Variants in SUSD6 observed in about 807,000 individuals in gnomAD.
The protein encoded by SUSD6 is sushi domain containing 6.
In SUSD6, 16 loss-of-function variants were observed where a neutral mutation model predicts 28.4. The observed-to-expected ratio is 0.56, with a 90% CI of 0.38 to 0.86. The LOEUF is 0.86. Among genes scored for constraint, SUSD6 ranks in the 40% least tolerant of loss-of-function variants. The pLI, the probability that SUSD6 is intolerant of heterozygous loss-of-function variation, is 0.00. For missense variants in SUSD6, 341 were observed against 384.2 expected (o/e 0.89, Z 0.94); for synonymous variants, 147 against 159.6 (o/e 0.92, Z 0.59).
chr14:69,712,726 C>T lies in SUSD6; in HGVS notation c.*1747C>T, dbSNP rs554702099. ...CACGCACTTTACCACCCGGTCATTC[C>T]CTGGCCTCTTGCTGCCACTTGTAGT... On this transcript the variant is annotated 3_prime_UTR_variant, in exon 6 of 6. Transcript: ENST00000342745. The T allele has an allele frequency of 3.9e-5, 6 of 152,708 alleles. No individual in the cohort carries two copies. Among genetic ancestry groups the T allele is most frequent in the Admixed American group, 3.9e-4 (6 of 15,306 alleles). The allele number at this position is 152,708 out of a possible 1,614,324, so 9.5% of individuals were successfully genotyped here.
chr14:69,693,640 C>T (rs1301149749), intron 2 of SUSD6, among the ~76,000 whole-genome samples: 1 of 152,146 alleles, frequency 6.6e-6, no homozygotes, highest in Non-Finnish European at 1.5e-5. Context: ...TTATCAGTGC[C>T]TAGTAATGTG....
intron 2 of SUSD6, among the ~76,000 whole-genome samples, chr14:69,682,744 G>A (rs148571725): frequency 6.6e-6 from 1 of 152,084 alleles, no homozygotes; most frequent in Non-Finnish European, 1.5e-5. Context: ...GTGGCACCTT[G>A]GGCAATATCA....
intron 1 of SUSD6, among the ~76,000 whole-genome samples, chr14:69,657,521 G>A (rs1595044788): frequency 6.6e-6 from 1 of 152,058 alleles, no homozygotes; most frequent in African/African-American, 2.4e-5. Context: ...CTTTATTAGG[G>A]TTATAGATGG....
chr14:69,672,865 C>T (rs1942026497), intron 2 of SUSD6, among the ~76,000 whole-genome samples: 1 of 152,214 alleles, frequency 6.6e-6, no homozygotes, highest in Non-Finnish European at 1.5e-5. Flanking sequence ...GAAGGCTGGT[C>T]TCACCAGCCT....
intron 1 of SUSD6, among the ~76,000 whole-genome samples, chr14:69,658,204 G>A (rs910255017): frequency 1.3e-5 from 2 of 152,178 alleles, no homozygotes; most frequent in Non-Finnish European, 2.9e-5. Context: ...GTCAATAGCC[G>A]TCTCTCTGCT....
chr14:69,710,842 T>G, intron 5 of SUSD6, 112 bp from the exon 6 acceptor site: 1 of 1,003,592 alleles, frequency 1.0e-6, no homozygotes, highest in African/African-American at 1.6e-5. Context: ...GGACATTTAC[T>G]TTCTTTAAAT....
intron 1 of SUSD6, among the ~76,000 whole-genome samples, chr14:69,620,204 G>A (rs1250390545): frequency 6.6e-6 from 1 of 152,202 alleles, no homozygotes; most frequent in Non-Finnish European, 1.5e-5. Context: ...TTTCTGTCCT[G>A]TGGGAATTTT....
At chr14:69,655,036 A>G (rs1412585068) in intron 1 of SUSD6, among the ~76,000 whole-genome samples, 1 of 150,518 alleles carries the variant, frequency 6.6e-6, no homozygotes, top group Non-Finnish European at 1.5e-5. Flanking sequence ...CTTGTGATCC[A>G]CCCGCCTCGG....
intron 1 of SUSD6, among the ~76,000 whole-genome samples, chr14:69,630,451 G>T (rs999906142): frequency 2.0e-5 from 3 of 152,172 alleles, no homozygotes; most frequent in Admixed American, 2.0e-4. Context: ...AACCTTTTCT[G>T]AGCTTGGAGC....
intron 2 of SUSD6, among the ~76,000 whole-genome samples, chr14:69,698,785 C>G (rs2139642554): frequency 6.6e-6 from 1 of 152,304 alleles, no homozygotes; most frequent in East Asian, 1.9e-4. Context: ...GTGTGCACTC[C>G]CTGTGCTCAC....
chr14:69,674,551 G>A (rs1292235332), intron 2 of SUSD6, among the ~76,000 whole-genome samples: 2 of 152,052 alleles, frequency 1.3e-5, no homozygotes, highest in Non-Finnish European at 2.9e-5. Flanking sequence ...TATGTGAGGG[G>A]TTCCTCCAGA....
At chr14:69,683,668 C>T (rs1283027855) in intron 2 of SUSD6, among the ~76,000 whole-genome samples, 1 of 152,110 alleles carries the variant, frequency 6.6e-6, no homozygotes, top group Non-Finnish European at 1.5e-5. Context: ...AGAAATGGAA[C>T]AAGCCAAAGT....
At chr14:69,664,574 C>G (rs1885711180) in intron 2 of SUSD6, among the ~76,000 whole-genome samples, 1 of 152,096 alleles carries the variant, frequency 6.6e-6, no homozygotes, top group African/African-American at 2.4e-5. Context: ...TCGATGAACC[C>G]TAGTGTCATG....
At chr14:69,700,432 C>G (rs182017451) in intron 2 of SUSD6, among the ~76,000 whole-genome samples, 1 of 152,168 alleles carries the variant, frequency 6.6e-6, no homozygotes, top group Non-Finnish European at 1.5e-5. Context: ...GCGGCTCCCC[C>G]TTTTCTTTGA....
chr14:69,639,516 C>T (rs1229761241), intron 1 of SUSD6, among the ~76,000 whole-genome samples: 2 of 152,116 alleles, frequency 1.3e-5, no homozygotes, highest in Non-Finnish European at 1.5e-5. Flanking sequence ...TCCCAAGCCC[C>T]TCTCTGAGGG....
At chr14:69,710,753 A>T (rs1399135639) in intron 5 of SUSD6, among the ~76,000 whole-genome samples, 1 of 152,148 alleles carries the variant, frequency 6.6e-6, no homozygotes, top group African/African-American at 2.4e-5. Flanking sequence ...TTTTTTTCAC[A>T]TAGGCACTGG....
At chr14:69,645,502 A>G (rs1301953482) in intron 1 of SUSD6, among the ~76,000 whole-genome samples, 3 of 152,162 alleles carry the variant, frequency 2.0e-5, no homozygotes, top group Non-Finnish European at 4.4e-5. Context: ...CTGTATCCCC[A>G]ACTTTTACCT....
intron 1 of SUSD6, among the ~76,000 whole-genome samples, chr14:69,612,840 A>T (rs1382802905): frequency 6.6e-6 from 1 of 152,172 alleles, no homozygotes; most frequent in Non-Finnish European, 1.5e-5. Flanking sequence ...TGATCTACAG[A>T]GATGGGAAGT....
intron 2 of SUSD6, among the ~76,000 whole-genome samples, chr14:69,670,214 A>G (rs935178435): frequency 6.6e-6 from 1 of 152,216 alleles, no homozygotes; most frequent in Non-Finnish European, 1.5e-5. Flanking sequence ...GAAGTTAATC[A>G]TATGTAGTAA....
Sources: gnomAD v4.1 joint callset for allele counts (sites outside exome capture counted in the v4.1 genomes callset) on GRCh38, gnomAD v4.1.1 for gene constraint, MANE v1.5 for transcripts, NCBI Gene and HGNC (gene_info 2026-07-23, HGNC 2026-07-21) for gene names.